CA8: variants seen among roughly 807,000 people sequenced by gnomAD.
CA8 encodes carbonic anhydrase 8 (inactive).
CA8 carries 22 observed loss-of-function variants against 41.4 expected under a neutral mutation model. That is an observed-to-expected ratio of 0.53 (90% confidence interval 0.38 to 0.76). CA8 has a LOEUF of 0.76. CA8 is among the 30% of genes least tolerant of loss of function. CA8 has a pLI of 0.00. For synonymous variants in CA8, 121 were observed against 130.6 expected, an observed-to-expected ratio of 0.93 and a Z score of 0.50; for missense variants, 270 against 352.8, an observed-to-expected ratio of 0.77 and a Z score of 1.88.
At chr8:60,204,835 G>A (rs949623236) in intron 8 of CA8, among the ~76,000 whole-genome samples, 2 of 152,190 alleles carry the variant, frequency 1.3e-5, no homozygotes, top group African/African-American at 4.8e-5. Context: ...TAATCTGGAA[G>A]GATAATAGCT....
chr8:60,202,444 C>T (rs540056106), intron 8 of CA8, among the ~76,000 whole-genome samples: 14 of 152,170 alleles, frequency 9.2e-5, no homozygotes, highest in Admixed American at 7.2e-4. Context: ...TGAACCGCAC[C>T]TCATAGTTCT....
rs143315966 is a variant in CA8, at chr8:60,210,394, T to G, written c.739-1475A>C. On this transcript the variant is annotated intron_variant, in intron 7 of 8. Transcript: ENST00000317995. The stretch of plus-strand genomic sequence containing the variant: ...CAAGACAGCAACTAATTCAGGGGTT[T>G]CAACAAAGTCAAGAGACACCTATAG... Among the ~76,000 whole-genome samples, 444 of 152,278 alleles carry G rather than the reference T, an allele frequency of 2.9e-3. 2 individuals carry two copies. The highest frequency in any genetic ancestry group is 0.01 in the African/African-American group (421 of 41,556).
chr8:60,233,476 T>C lies in CA8; in HGVS notation c.418-1097A>G, dbSNP rs1457037128. 2.0e-5 allele frequency among the ~76,000 whole-genome samples: 3 copies of C among 152,198 alleles called. No homozygotes were observed. In the East Asian group the frequency reaches 5.8e-4, roughly 29 times the overall value. ...GATAACTAGGAAAACACTGTACCCA[T>C]GGCCCACTCAGCCAGGTCAGGCTGT... is the stretch of plus-strand genomic sequence containing the variant. On this transcript the variant is annotated intron_variant, in intron 3 of 8. Coordinates refer to ENST00000317995, the MANE Select transcript of CA8 (RefSeq NM_004056.6).
At chr8:60,208,992 C>T (rs917352221) in intron 7 of CA8, 73 bp from the exon 8 acceptor site, 92 of 1,455,752 alleles carry the variant, frequency 6.3e-5, no homozygotes, top group Non-Finnish European at 8.4e-5. Context: ...TCATAAATGA[C>T]ATGCATAAAA....
intron 2 of CA8, 60 bp downstream of exon 2, chr8:60,279,629 T>G: frequency 7.1e-7 from 1 of 1,403,370 alleles, no homozygotes. Context: ...AAATCACAGT[T>G]CAATAACTCT....
chr8:60,244,962 C>A (rs1585897665), intron 3 of CA8, among the ~76,000 whole-genome samples: 1 of 152,126 alleles, frequency 6.6e-6, no homozygotes, highest in South Asian at 2.1e-4. Context: ...TGACCTTGGG[C>A]AACTAATGTC....
rs1205930461 is a variant in CA8 at position 60,188,227 on chromosome 8, C to T, written c.*1794G>A. Reference sequence around the variant, plus strand: ...TGAAGTCTGAACAACTAGATGTTATCCTGAAAGTCATTTAATTACTATTTG... The same window carrying T: ...TGAAGTCTGAACAACTAGATGTTATTCTGAAAGTCATTTAATTACTATTTG... On this transcript the variant is annotated 3_prime_UTR_variant, in exon 9 of 9. Coordinates refer to ENST00000317995, the MANE Select transcript of CA8 (RefSeq NM_004056.6). The T allele has an allele frequency of 1.3e-5, 2 of 152,118 alleles. No individual in the cohort carries two copies. Among genetic ancestry groups the T allele is most frequent in the African/African-American group, 4.8e-5 (2 of 41,428 alleles). 9.4% of individuals were successfully genotyped at this position (152,118 alleles called of 1,614,324 possible). A position where few individuals can be genotyped will look rare whatever the true frequency, so the allele number is the denominator to read the frequency against.
intron 2 of CA8, among the ~76,000 whole-genome samples, chr8:60,275,688 A>G (rs1341687583): frequency 6.6e-6 from 1 of 152,150 alleles, no homozygotes; most frequent in Non-Finnish European, 1.5e-5. Context: ...AAATATAAGA[A>G]AATTGCTGGT....
chr8:60,204,016 C>T (rs1806506314), intron 8 of CA8, among the ~76,000 whole-genome samples: 1 of 152,156 alleles, frequency 6.6e-6, no homozygotes, highest in South Asian at 2.1e-4. Context: ...AGGCAGGTTC[C>T]CACCTAAACC....
At chr8:60,220,336 AACCAGAATCAAGCAGTGAGCAT>A (rs1016934682) in intron 7 of CA8, among the ~76,000 whole-genome samples, 1 of 152,110 alleles carries the variant, frequency 6.6e-6, no homozygotes, top group Non-Finnish European at 1.5e-5. Flanking sequence ...AGGATACTAA[AACCAGAATCAAGCAGTGAGCAT>A]ACCTAGCTAG....
At chr8:60,241,777 T>C (rs1270376203) in intron 3 of CA8, among the ~76,000 whole-genome samples, 1 of 151,744 alleles carries the variant, frequency 6.6e-6, no homozygotes, top group African/African-American at 2.4e-5. Flanking sequence ...TTGTAGGCTA[T>C]AGCTGCAATT....
intron 8 of CA8, among the ~76,000 whole-genome samples, chr8:60,199,042 T>C (rs1292900678): frequency 1.3e-5 from 2 of 151,646 alleles, no homozygotes; most frequent in African/African-American, 4.8e-5. Context: ...AACATAAAGG[T>C]TGCAGGAATT....
chr8:60,218,048 C>G (rs895281273), intron 7 of CA8, among the ~76,000 whole-genome samples: 1 of 152,208 alleles, frequency 6.6e-6, no homozygotes, highest in South Asian at 2.1e-4. Flanking sequence ...CCCTCTCCAA[C>G]CCCCTCATGT....
chr8:60,257,401 T>G (rs1808677493), intron 3 of CA8, among the ~76,000 whole-genome samples: 1 of 152,226 alleles, frequency 6.6e-6, no homozygotes, highest in African/African-American at 2.4e-5. Flanking sequence ...GGTTTACTCT[T>G]CGCTGACCTC....
chr8:60,194,806 G>A (rs1338574443), intron 8 of CA8, among the ~76,000 whole-genome samples: 1 of 152,082 alleles, frequency 6.6e-6, no homozygotes, highest in Non-Finnish European at 1.5e-5. Flanking sequence ...AAGTATTGTG[G>A]CTGTTGTCTC....
At chr8:60,265,839 T>C in intron 3 of CA8, 86 bp downstream of exon 3, 1 of 1,434,330 alleles carries the variant, frequency 7.0e-7, no homozygotes. Flanking sequence ...GCTATGCATC[T>C]ACTTTTAAAC....
intron 3 of CA8, among the ~76,000 whole-genome samples, chr8:60,236,644 G>A (rs1045370269): frequency 1.3e-5 from 2 of 152,140 alleles, no homozygotes; most frequent in South Asian, 4.1e-4. Context: ...GGGATGAAGT[G>A]ACAAAACAAT....
At chr8:60,213,015 A>G (rs1806890353) in intron 7 of CA8, among the ~76,000 whole-genome samples, 1 of 152,248 alleles carries the variant, frequency 6.6e-6, no homozygotes, top group Non-Finnish European at 1.5e-5. Context: ...CCATATATGT[A>G]TACAGAGACA....
At chr8:60,194,762 A>T (rs1362564994) in intron 8 of CA8, among the ~76,000 whole-genome samples, 1 of 152,118 alleles carries the variant, frequency 6.6e-6, no homozygotes, top group East Asian at 1.9e-4. Context: ...ACATCTGCTA[A>T]ATCTGTTACA....
Sources: gnomAD v4.1 joint callset for allele counts (sites outside exome capture counted in the v4.1 genomes callset) on GRCh38, gnomAD v4.1.1 for gene constraint, MANE v1.5 for transcripts, NCBI Gene and HGNC (gene_info 2026-07-23, HGNC 2026-07-21) for gene names.